The following SESN3 variants were observed in gnomAD, a reference collection of about 807,000 sequenced individuals.
SESN3 encodes sestrin 3.
In SESN3, 21 loss-of-function variants were observed where a neutral mutation model predicts 55.3. The ratio of observed to expected loss-of-function variants is 0.38; its 90% CI spans 0.27 to 0.55. SESN3 has a LOEUF of 0.55. Among genes scored for constraint, SESN3 ranks in the 20% least tolerant of loss-of-function variants. The probability of loss-of-function intolerance (pLI) is 0.76; values close to 1 mark genes in which losing one functional copy is unlikely to be tolerated. For missense variants in SESN3, 408 were observed against 604.3 expected, an observed-to-expected ratio of 0.68 and a Z score of 3.41; for synonymous variants, 181 against 203.1, an observed-to-expected ratio of 0.89 and a Z score of 0.93.
rs1350627956 is a variant in SESN3 at position 95,168,525 on chromosome 11, G to A, written c.*4730C>T. The A allele has an allele frequency of 2.6e-5, 4 of 152,154 alleles. No homozygotes were observed. The highest frequency in any genetic ancestry group is 1.3e-4 in the Admixed American group (2 of 15,278). 9.4% of individuals were successfully genotyped at this position (152,154 alleles called of 1,614,324 possible). ...AGTGAGTGAATCCATGAAAAGGTTGGATACTCTGAATTTATAGGCTCTTTG... is the reference window on the plus strand; with the variant it reads ...AGTGAGTGAATCCATGAAAAGGTTGAATACTCTGAATTTATAGGCTCTTTG... On this transcript the variant is annotated 3_prime_UTR_variant, in exon 10 of 10. Transcript: ENST00000536441.
At chr11:95,209,792 G>A (rs1263070255) in intron 1 of SESN3, among the ~76,000 whole-genome samples, 2 of 150,686 alleles carry the variant, frequency 1.3e-5, no homozygotes, top group African/African-American at 4.9e-5. Context: ...TGAGGCGGGT[G>A]GATCTCCTGA....
At chr11:95,204,654 A>T (rs146787744) in intron 1 of SESN3, among the ~76,000 whole-genome samples, 595 of 152,284 alleles carry the variant, frequency 3.9e-3, no homozygotes, top group Non-Finnish European at 6.3e-3. Context: ...CCTGTTGAGG[A>T]CACAGTGCAA....
Position 95,191,316 on chromosome 11 carries a change from T to TAC in SESN3, c.342+86_342+87dup. ...TGTCCATAAATTATACTTAGCTCTA[T>TAC]ACACACACAAGGACACATGCCTATT... On this transcript the variant is annotated intron_variant, in intron 3 of 9. Coordinates refer to ENST00000536441, the MANE Select transcript of SESN3 (RefSeq NM_144665.4). 3.0e-6 allele frequency: 3 copies of TAC among 1,002,912 alleles called. No individual in the cohort carries two copies. In the South Asian group the frequency reaches 4.0e-5, roughly 14 times the overall value. The allele number at this position is 1,002,912 out of a possible 1,614,324, so 62.1% of individuals were successfully genotyped here.
chr11:95,212,803 A>C (rs1860683042), intron 1 of SESN3, among the ~76,000 whole-genome samples: 1 of 152,114 alleles, frequency 6.6e-6, no homozygotes, highest in Non-Finnish European at 1.5e-5. Context: ...TCCTACACAC[A>C]CATTATTATT....
At chr11:95,187,968 G>A (rs1860196846) in intron 4 of SESN3, among the ~76,000 whole-genome samples, 1 of 150,114 alleles carries the variant, frequency 6.7e-6, no homozygotes, top group South Asian at 2.1e-4. Context: ...TTACTCTCAT[G>A]CAGAATCATT....
chr11:95,188,876 A>G (rs1477602313), intron 4 of SESN3, among the ~76,000 whole-genome samples: 1 of 151,932 alleles, frequency 6.6e-6, no homozygotes, highest in Non-Finnish European at 1.5e-5. Context: ...ATTAAAAACA[A>G]TGATTAATTC....
intron 1 of SESN3, among the ~76,000 whole-genome samples, chr11:95,221,380 T>A (rs1252611092): frequency 1.3e-5 from 2 of 152,120 alleles, no homozygotes; most frequent in African/African-American, 2.4e-5. Context: ...ACCCATGAGG[T>A]AAATGTGATC....
chr11:95,226,403 T>C (rs1860949020), intron 1 of SESN3, among the ~76,000 whole-genome samples: 1 of 152,206 alleles, frequency 6.6e-6, no homozygotes, highest in Non-Finnish European at 1.5e-5. Flanking sequence ...ACTACATTAG[T>C]AGTTATGTTT....
At chr11:95,220,413 G>T (rs1860837499) in intron 1 of SESN3, among the ~76,000 whole-genome samples, 1 of 152,070 alleles carries the variant, frequency 6.6e-6, no homozygotes, top group African/African-American at 2.4e-5. Context: ...GTTGGCAGGA[G>T]GGGGAGGGCA....
intron 4 of SESN3, among the ~76,000 whole-genome samples, chr11:95,186,166 C>T (rs1860159065): frequency 6.8e-6 from 1 of 148,144 alleles, no homozygotes; most frequent in Non-Finnish European, 1.5e-5. Flanking sequence ...TGTTCATTTT[C>T]TCTCCCTTTC....
Position 95,170,901 on chromosome 11 carries a change from A to G in SESN3, c.*2354T>C, listed in dbSNP as rs1235346522. Reference sequence around the variant, plus strand: ...GGAAAGAGATCTATTAAAGGCACTAATATTTCCATAGCCTAAACTCCAACT... The same window carrying G: ...GGAAAGAGATCTATTAAAGGCACTAGTATTTCCATAGCCTAAACTCCAACT... On this transcript the variant is annotated 3_prime_UTR_variant, in exon 10 of 10. Transcript: ENST00000536441. 6.6e-6 allele frequency: 1 copy of G among 152,222 alleles called. No homozygotes were observed. Among genetic ancestry groups the G allele is most frequent in the African/African-American group, 2.4e-5 (1 of 41,444 alleles). 9.4% of individuals were successfully genotyped at this position (152,222 alleles called of 1,614,324 possible).
chr11:95,184,655 T>C, intron 5 of SESN3, 61 bp from the exon 6 acceptor site: 1 of 1,468,454 alleles, frequency 6.8e-7, no homozygotes, highest in Non-Finnish European at 9.4e-7. Flanking sequence ...AGTAAATATC[T>C]CCATCTCCAA....
chr11:95,174,261 T>G (rs1859911893), intron 9 of SESN3, among the ~76,000 whole-genome samples: 1 of 152,212 alleles, frequency 6.6e-6, no homozygotes, highest in Non-Finnish European at 1.5e-5. Context: ...TTCGAAACTG[T>G]TGTATAAAGG....
At chr11:95,194,272 C>T (rs984789315) in intron 1 of SESN3, among the ~76,000 whole-genome samples, 7 of 151,990 alleles carry the variant, frequency 4.6e-5, no homozygotes, top group Non-Finnish European at 8.8e-5. Context: ...TCCCTTTCTC[C>T]CCCCATTACT....
At chr11:95,210,017 CAAAAAAAAAA>C (rs71036380) in intron 1 of SESN3, among the ~76,000 whole-genome samples, 1 of 60,182 alleles carries the variant, frequency 1.7e-5, no homozygotes, top group Non-Finnish European at 3.0e-5. Context: ...AACTCCATCT[CAAAAAAAAAA>C]AAAAAAAAAA....
intron 1 of SESN3, among the ~76,000 whole-genome samples, chr11:95,219,471 T>C: frequency 6.6e-6 from 1 of 152,208 alleles, no homozygotes; most frequent in Non-Finnish European, 1.5e-5. Flanking sequence ...TGATTTCTTT[T>C]TCATCTGTGT....
At chr11:95,231,489 G>T, upstream of SESN3, 1 of 210,722 alleles carries the variant, frequency 4.7e-6, no homozygotes, top group Non-Finnish European at 9.4e-6. Context: ...AAGAGGACGA[G>T]GGTGTGTCAT....
chr11:95,213,894 A>G (rs1040786284), intron 1 of SESN3, among the ~76,000 whole-genome samples: 14 of 152,136 alleles, frequency 9.2e-5, no homozygotes, highest in African/African-American at 3.1e-4. Context: ...GAATTCGGTA[A>G]CATTTCAAAA....
Position 95,207,790 on chromosome 11 carries a change from T to C in SESN3, c.79-14268A>G, listed in dbSNP as rs554272599. ...CAGAAGAACTGTAATTTTAAATATGTCTAAAATTCTCTTCAATGTTCTATA... is the reference window on the plus strand; with the variant it reads ...CAGAAGAACTGTAATTTTAAATATGCCTAAAATTCTCTTCAATGTTCTATA... On this transcript the variant is annotated intron_variant, in intron 1 of 9. Transcript: ENST00000536441. Among the ~76,000 whole-genome samples the C allele has an allele frequency of 2.6e-5, 4 of 151,434 alleles. No individual in the cohort carries two copies. In the East Asian group the frequency reaches 7.7e-4, roughly 29 times the overall value.
Sources: allele counts gnomAD v4.1 joint callset (sites outside exome capture counted in the v4.1 genomes callset), GRCh38; gene constraint gnomAD v4.1.1; transcripts MANE v1.5; gene names NCBI Gene and HGNC (gene_info 2026-07-23, HGNC 2026-07-21).